The following CCDC6 variants were observed in gnomAD, a reference collection of about 807,000 sequenced individuals.
CCDC6 encodes coiled-coil domain-containing protein 6.
In CCDC6, 20 loss-of-function variants were observed where a neutral mutation model predicts 56.6. That is an observed-to-expected ratio of 0.35 (90% confidence interval 0.25 to 0.51). The LOEUF is 0.51. Ranked by LOEUF, CCDC6 falls within the 20% of genes least tolerant of loss-of-function variation. The pLI is 0.95. For synonymous variants in CCDC6, 241 were observed against 234.4 expected, an observed-to-expected ratio of 1.03 and a Z score of -0.26; for missense variants, 367 against 601.1, an observed-to-expected ratio of 0.61 and a Z score of 4.07.
At chr10:59,856,737 A>G (rs559471269) in intron 1 of CCDC6, among the ~76,000 whole-genome samples, 9 of 152,288 alleles carry the variant, frequency 5.9e-5, no homozygotes, top group Non-Finnish European at 1.3e-4. Context: ...GTTTATCAAT[A>G]TATTTCCTTT....
intron 2 of CCDC6, among the ~76,000 whole-genome samples, chr10:59,847,344 C>T (rs979336422): frequency 1.4e-5 from 2 of 142,338 alleles, no homozygotes; most frequent in African/African-American, 5.6e-5. Context: ...GGAGCCACCG[C>T]GCCAGGCCTA....
intron 3 of CCDC6, among the ~76,000 whole-genome samples, chr10:59,816,760 T>C (rs1182060182): frequency 6.6e-6 from 1 of 152,220 alleles, no homozygotes; most frequent in African/African-American, 2.4e-5. Context: ...ATGTAAGTCC[T>C]ACAAGGGACT....
rs138006836 is a variant in CCDC6 at position 59,851,398 on chromosome 10, T to C, written c.453+1155A>G. On this transcript the variant is annotated intron_variant, in intron 2 of 8. Transcript: ENST00000263102. ...TTTGCTATAAATCTCTGCTAGACAG[T>C]AATGCCTGGGTACCTATTCTTCACA... 3.8e-4 allele frequency among the ~76,000 whole-genome samples: 58 copies of C among 152,282 alleles called. 1 individual carries two copies. The highest frequency in any genetic ancestry group is 1.4e-3 in the African/African-American group (57 of 41,578).
intron 1 of CCDC6, among the ~76,000 whole-genome samples, chr10:59,887,651 T>C (rs1047421896): frequency 3.9e-5 from 6 of 152,170 alleles, no homozygotes; most frequent in East Asian, 1.9e-4. Flanking sequence ...ATTTTTTAAA[T>C]GGGGCATTAT....
intron 1 of CCDC6, among the ~76,000 whole-genome samples, chr10:59,902,329 T>C (rs965613367): frequency 6.6e-5 from 10 of 151,856 alleles, no homozygotes; most frequent in Non-Finnish European, 1.0e-4. Context: ...TATACACCTA[T>C]TGGAATGGTC....
intron 8 of CCDC6, 90 bp downstream of exon 8, chr10:59,794,383 A>G (rs1479502883): frequency 7.5e-7 from 1 of 1,328,600 alleles, no homozygotes; most frequent in Admixed American, 1.9e-5. Flanking sequence ...AGAAGGGCAA[A>G]TGTCTAAGGG....
At chr10:59,860,332 G>T (rs2071117454) in intron 1 of CCDC6, among the ~76,000 whole-genome samples, 2 of 152,176 alleles carry the variant, frequency 1.3e-5, no homozygotes, top group South Asian at 4.1e-4. Context: ...ACCAGACGAA[G>T]AAAGGAAGAG....
intron 1 of CCDC6, among the ~76,000 whole-genome samples, chr10:59,876,066 CA>C (rs2071276495): frequency 1.7e-5 from 2 of 118,664 alleles, no homozygotes; most frequent in East Asian, 5.2e-4. Flanking sequence ...AGTGCATGCA[CA>C]GATGTCTTTT....
At chr10:59,832,425 A>C (rs1245298053) in intron 3 of CCDC6, 100 bp downstream of exon 3, 22 of 1,184,156 alleles carry the variant, frequency 1.9e-5, no homozygotes, top group Non-Finnish European at 8.3e-6. Flanking sequence ...AGAAAGCTGA[A>C]AACTACTTTT....
intron 2 of CCDC6, among the ~76,000 whole-genome samples, chr10:59,845,139 A>T (rs112463764): frequency 0.022 from 3,307 of 152,300 alleles, 118 homozygotes; most frequent in African/African-American, 0.073. Flanking sequence ...ATCCTTCAAT[A>T]GACAAGATTT....
intron 1 of CCDC6, among the ~76,000 whole-genome samples, chr10:59,870,447 C>T (rs1056796515): frequency 6.6e-6 from 1 of 152,162 alleles, no homozygotes; most frequent in African/African-American, 2.4e-5. Flanking sequence ...CAAAACACAG[C>T]ACTATACTTG....
intron 2 of CCDC6, among the ~76,000 whole-genome samples, chr10:59,834,521 C>T (rs2070863941): frequency 6.6e-6 from 1 of 151,352 alleles, no homozygotes; most frequent in South Asian, 2.1e-4. Context: ...CAAGATCACA[C>T]CATTGCACTC....
At chr10:59,864,956 G>A (rs908102133) in intron 1 of CCDC6, among the ~76,000 whole-genome samples, 2 of 152,200 alleles carry the variant, frequency 1.3e-5, no homozygotes, top group Admixed American at 6.5e-5. Flanking sequence ...TTCTGTGTTT[G>A]TGATTCACAT....
chr10:59,824,667 A>C (rs2070773316), intron 3 of CCDC6, among the ~76,000 whole-genome samples: 1 of 151,968 alleles, frequency 6.6e-6, no homozygotes, highest in Admixed American at 6.6e-5. Flanking sequence ...TAAAAAAGAG[A>C]GGAAGAGAAA....
rs1033548191 is a variant in CCDC6, at chr10:59,842,814, C to T, written c.453+9739G>A. ...TGTCACCCAGGCTGGAGTGCAGTGG[C>T]GCAATCTCAGCTCACAGCAAGCTCC... On this transcript the variant is annotated intron_variant, in intron 2 of 8. Transcript: ENST00000263102. Among the ~76,000 whole-genome samples, 5 of 143,746 alleles carry T rather than the reference C, an allele frequency of 3.5e-5. 1 individual carries two copies. In the Middle Eastern group the frequency reaches 0.015, roughly 436 times the overall value. 94.3% of individuals were successfully genotyped at this position (143,746 alleles called of 152,430 possible).
intron 1 of CCDC6, among the ~76,000 whole-genome samples, chr10:59,890,713 T>TA (rs2071415707): frequency 6.6e-6 from 1 of 152,038 alleles, no homozygotes; most frequent in Non-Finnish European, 1.5e-5. Context: ...TTTTTTTCTT[T>TA]TTTATTTATT....
At chr10:59,825,067 T>G (rs538020344) in intron 3 of CCDC6, among the ~76,000 whole-genome samples, 1 of 152,202 alleles carries the variant, frequency 6.6e-6, no homozygotes, top group Admixed American at 6.5e-5. Context: ...GGGAAGCTTT[T>G]AGCATGAATG....
chr10:59,903,709 C>G (rs1009246905), intron 1 of CCDC6, among the ~76,000 whole-genome samples: 6 of 152,172 alleles, frequency 3.9e-5, no homozygotes, highest in Admixed American at 2.6e-4. Context: ...TCTAACAAGG[C>G]CTTCACTTAA....
intron 1 of CCDC6, 63 bp downstream of exon 1, chr10:59,906,059 G>C (rs1336030683): frequency 7.1e-7 from 1 of 1,406,780 alleles, no homozygotes; most frequent in East Asian, 2.4e-5. Flanking sequence ...GCTGGATTCG[G>C]GTGCAGCCCC....
Sources: gnomAD v4.1 joint callset for allele counts (sites outside exome capture counted in the v4.1 genomes callset) on GRCh38, gnomAD v4.1.1 for gene constraint, MANE v1.5 for transcripts, NCBI Gene and HGNC (gene_info 2026-07-23, HGNC 2026-07-21) for gene names.